The following COA1 variants were observed in gnomAD, a reference collection of about 807,000 sequenced individuals.
COA1 encodes cytochrome c oxidase assembly factor 1 homolog.
Under a neutral mutation model 16.0 loss-of-function variants are expected in COA1, and 13 were observed. The observed-to-expected ratio is 0.81, with a 90% CI of 0.53 to 1.29. COA1 has a LOEUF of 1.29. COA1 is among the 50% of genes most tolerant of loss of function. COA1 has a pLI of 0.00. For synonymous variants in COA1, 65 were observed against 65.7 expected (o/e 0.99, Z 0.05); for missense variants, 179 against 177.0 (o/e 1.01, Z -0.06).
intron 1 of COA1, chr7:43,665,830 G>A (rs951289051): frequency 6.6e-6 from 1 of 152,176 alleles, no homozygotes; most frequent in Non-Finnish European, 1.5e-5. Flanking sequence ...CAGCATCTAG[G>A]AAACTGCCAC....
downstream of COA1, among the ~76,000 whole-genome samples, chr7:43,635,764 G>T (rs1329469657): frequency 6.6e-6 from 1 of 152,196 alleles, no homozygotes; most frequent in Non-Finnish European, 1.5e-5. Context: ...TCATAAGGGA[G>T]ACAGGTCTAT....
At chr7:43,728,161 A>G (rs2095657934) in intron 1 of COA1, among the ~76,000 whole-genome samples, 1 of 152,014 alleles carries the variant, frequency 6.6e-6, no homozygotes, top group Non-Finnish European at 1.5e-5. Context: ...TTTTTAGTGG[A>G]GACGGGGTTT....
At chr7:43,689,884 T>C (rs2094197051) in intron 1 of COA1, among the ~76,000 whole-genome samples, 1 of 151,870 alleles carries the variant, frequency 6.6e-6, no homozygotes, top group Non-Finnish European at 1.5e-5. Flanking sequence ...TCACTAAAAA[T>C]AAAACAAAAG....
At chr7:43,664,103 A>AAGAG (rs141990456) in intron 1 of COA1, among the ~76,000 whole-genome samples, 26,858 of 135,136 alleles carry the variant, frequency 0.2, 2,916 homozygotes, top group Admixed American at 0.33. Context: ...TGTCTTTAGA[A>AAGAG]AGAGAGAGAG....
At chr7:43,620,746 G>A (rs2153010127) in intron 6 of COA1, among the ~76,000 whole-genome samples, 1 of 152,270 alleles carries the variant, frequency 6.6e-6, no homozygotes, top group South Asian at 2.1e-4. Context: ...TGAGGCCTTG[G>A]ATATAAGGCT....
In COA1 at chr7:43,682,966, A is replaced by G. The variant is rs540928094; in HGVS notation, c.-38-34314T>C. Among the ~76,000 whole-genome samples the G allele has an allele frequency of 2.0e-5, 3 of 152,286 alleles. No homozygotes were observed. In the East Asian group the frequency reaches 5.8e-4, roughly 29 times the overall value. On this transcript the variant is annotated intron_variant, in intron 1 of 5. Transcript: ENST00000223336. ...CCAAATTCTAGTGATCTTGTGCCTC[A>G]GCCTCCTGAATAGCTGGGTTTACAG...
At chr7:43,716,876 T>C (rs964003071) in intron 1 of COA1, among the ~76,000 whole-genome samples, 1 of 152,194 alleles carries the variant, frequency 6.6e-6, no homozygotes, top group Non-Finnish European at 1.5e-5. Context: ...CAGCTGTGGC[T>C]GAAAGGGGCC....
chr7:43,608,479 A>T (rs1423081334), exon 7 of COA1: 2 of 1,497,482 alleles, frequency 1.3e-6, no homozygotes, highest in Non-Finnish European at 1.8e-6. Flanking sequence ...ATTTATTCAA[A>T]CATGTTTCAC....
chr7:43,695,445 C>T (rs1434978470), intron 1 of COA1, among the ~76,000 whole-genome samples: 2 of 148,718 alleles, frequency 1.3e-5, no homozygotes, highest in Admixed American at 6.8e-5. Flanking sequence ...ATCCACATGG[C>T]ACATGCTCTC....
downstream of COA1, among the ~76,000 whole-genome samples, chr7:43,637,608 T>C (rs187156424): frequency 2.2e-4 from 34 of 152,278 alleles, 1 homozygote; most frequent in Admixed American, 2.1e-3. Flanking sequence ...ATCACTGCTA[T>C]CCTCAAAGAA....
intron 1 of COA1, among the ~76,000 whole-genome samples, chr7:43,666,278 T>C (rs749264679): frequency 5.9e-5 from 9 of 152,230 alleles, no homozygotes; most frequent in Non-Finnish European, 1.2e-4. Flanking sequence ...ACACTGTTTA[T>C]ACGGACCCAA....
intron 1 of COA1, among the ~76,000 whole-genome samples, chr7:43,703,516 T>G (rs1282031024): frequency 6.6e-6 from 1 of 152,222 alleles, no homozygotes; most frequent in Non-Finnish European, 1.5e-5. Flanking sequence ...GGTGCTCTAG[T>G]GTTGGGTGCA....
At chr7:43,612,858 T>G (rs528953639) in intron 6 of COA1, among the ~76,000 whole-genome samples, 24 of 152,016 alleles carry the variant, frequency 1.6e-4, no homozygotes, top group African/African-American at 5.6e-4. Flanking sequence ...TGTAAAAGTA[T>G]GAGTCCATAC....
intron 1 of COA1, among the ~76,000 whole-genome samples, chr7:43,653,859 A>C (rs995725711): frequency 2.0e-5 from 3 of 152,138 alleles, no homozygotes; most frequent in Non-Finnish European, 4.4e-5. Flanking sequence ...TTTTTTTTAA[A>C]GATTAATAAA....
intron 1 of COA1, among the ~76,000 whole-genome samples, chr7:43,657,012 C>G (rs11771428): frequency 6.6e-6 from 1 of 151,832 alleles, no homozygotes; most frequent in South Asian, 2.1e-4. Context: ...CTGGGCAACA[C>G]AGTGAGACCC....
At chr7:43,713,876 TA>T (rs1200434154) in intron 1 of COA1, among the ~76,000 whole-genome samples, 28 of 152,050 alleles carry the variant, frequency 1.8e-4, no homozygotes, top group African/African-American at 6.5e-4. Flanking sequence ...CTGTCTCTAC[TA>T]AAAATACAAA....
intron 6 of COA1, among the ~76,000 whole-genome samples, chr7:43,610,436 C>T (rs996490273): frequency 2.0e-5 from 3 of 149,718 alleles, no homozygotes; most frequent in Non-Finnish European, 4.4e-5. Context: ...GAGGCCGAGC[C>T]AGGCAGATCA....
chr7:43,611,367 A>C (rs2082861213), intron 6 of COA1, among the ~76,000 whole-genome samples: 1 of 152,222 alleles, frequency 6.6e-6, no homozygotes, highest in African/African-American at 2.4e-5. Flanking sequence ...CAAAGATATT[A>C]ATTTTTTAAT....
chr7:43,720,203 C>T (rs899239059), intron 1 of COA1, among the ~76,000 whole-genome samples: 2 of 151,720 alleles, frequency 1.3e-5, no homozygotes, highest in Non-Finnish European at 2.9e-5. Flanking sequence ...TGCTTGAAAC[C>T]GGGAGGAAAG....
Sources: allele counts gnomAD v4.1 joint callset (sites outside exome capture counted in the v4.1 genomes callset), GRCh38; gene constraint gnomAD v4.1.1; transcripts MANE v1.5; gene names NCBI Gene and HGNC (gene_info 2026-07-23, HGNC 2026-07-21).